Variants in LRRC4C observed in about 807,000 individuals in gnomAD.
The protein encoded by LRRC4C is leucine rich repeat containing 4C.
A neutral mutation model predicts 33.6 loss-of-function variants in LRRC4C; 5 were observed. The observed-to-expected ratio is 0.15, with a 90% CI of 0.08 to 0.31. LRRC4C has a LOEUF of 0.31. Ranked by LOEUF, LRRC4C falls within the 10% of genes least tolerant of loss-of-function variation. The pLI, the probability that LRRC4C is intolerant of heterozygous loss-of-function variation, is 1.00. For missense variants in LRRC4C, 560 were observed against 796.7 expected (o/e 0.70, Z 3.58); for synonymous variants, 329 against 302.0 (o/e 1.09, Z -0.93).
rs954423660 is a variant in LRRC4C, at chr11:40,622,155, T to C, written c.-270+25987A>G. The stretch of plus-strand genomic sequence containing the variant: ...AAATGTCAACATCTTAGTCACACAT[T>C]AAACAAATTTCTTATGATTTCAAGC... On this transcript the variant is annotated intron_variant, in intron 3 of 6. Coordinates refer to ENST00000528697, the MANE Select transcript of LRRC4C (RefSeq NM_001258419.2). Among the ~76,000 whole-genome samples the C allele has an allele frequency of 4.6e-5, 7 of 151,948 alleles. No individual in the cohort carries two copies. In the East Asian group the frequency reaches 1.3e-3, roughly 29 times the overall value.
At chr11:41,340,328 A>G (rs1951588460) in intron 1 of LRRC4C, among the ~76,000 whole-genome samples, 1 of 152,194 alleles carries the variant, frequency 6.6e-6, no homozygotes, top group Non-Finnish European at 1.5e-5. Context: ...GCTAAATCTT[A>G]TGTATTTCAA....
chr11:40,587,950 G>C (rs1485178420), intron 3 of LRRC4C, among the ~76,000 whole-genome samples: 7 of 152,094 alleles, frequency 4.6e-5, no homozygotes, highest in Non-Finnish European at 1.0e-4. Context: ...TTTTGGTTGT[G>C]TCTCTGCCCG....
chr11:41,160,171 G>C (rs1944405256), intron 1 of LRRC4C, among the ~76,000 whole-genome samples: 1 of 152,000 alleles, frequency 6.6e-6, no homozygotes, highest in Non-Finnish European at 1.5e-5. Context: ...TGCCATAAGA[G>C]TTGATAACAA....
At chr11:41,129,318 C>A (rs1942904125) in intron 1 of LRRC4C, among the ~76,000 whole-genome samples, 1 of 151,824 alleles carries the variant, frequency 6.6e-6, no homozygotes, top group South Asian at 2.1e-4. Context: ...TTCCCAAACC[C>A]CATATATTGG....
intron 1 of LRRC4C, among the ~76,000 whole-genome samples, chr11:41,343,679 T>G (rs1951711049): frequency 6.6e-6 from 1 of 152,232 alleles, no homozygotes; most frequent in African/African-American, 2.4e-5. Flanking sequence ...CAGTGCAGCT[T>G]GAATACAGTT....
At chr11:40,707,382 C>T (rs552396652) in intron 2 of LRRC4C, among the ~76,000 whole-genome samples, 5 of 152,222 alleles carry the variant, frequency 3.3e-5, no homozygotes, top group Admixed American at 1.3e-4. Flanking sequence ...GAGATACGTT[C>T]CATCAATACC....
At chr11:40,703,718 G>A (rs1268744338) in intron 2 of LRRC4C, among the ~76,000 whole-genome samples, 1 of 152,174 alleles carries the variant, frequency 6.6e-6, no homozygotes, top group Non-Finnish European at 1.5e-5. Flanking sequence ...TAGTCATGGT[G>A]ACTTAGAATA....
chr11:40,881,219 T>C (rs541735905), intron 2 of LRRC4C, among the ~76,000 whole-genome samples: 3 of 152,200 alleles, frequency 2.0e-5, no homozygotes, highest in South Asian at 4.1e-4. Context: ...TTATAATCTT[T>C]ACAAGGTTTT....
Position 40,204,518 on chromosome 11 carries a change from CTT to C in LRRC4C, c.-96+36999_-96+37000del, listed in dbSNP as rs1863001430. ...TCTCTCAAGGACCTAGGAGCCATCT[CTT>C]TGAAATGTAATCAACAAGGAGACAG... On this transcript the variant is annotated intron_variant, in intron 5 of 6. Transcript: ENST00000528697. Among the ~76,000 whole-genome samples the C allele has an allele frequency of 2.0e-5, 3 of 152,242 alleles. No individual in the cohort carries two copies. In the South Asian group the frequency reaches 6.2e-4, roughly 32 times the overall value.
chr11:41,178,210 T>A (rs1268483736), intron 1 of LRRC4C, among the ~76,000 whole-genome samples: 1 of 152,202 alleles, frequency 6.6e-6, no homozygotes, highest in African/African-American at 2.4e-5. Flanking sequence ...TGAGTTAAAC[T>A]GATTCAAATA....
intron 1 of LRRC4C, among the ~76,000 whole-genome samples, chr11:41,257,190 C>CA (rs971936876): frequency 2.9e-4 from 44 of 151,706 alleles, no homozygotes; most frequent in African/African-American, 1.0e-3. Context: ...TCACCCCCTA[C>CA]AAAAAATCAG....
chr11:40,311,531 C>A (rs1399473268), intron 4 of LRRC4C, among the ~76,000 whole-genome samples: 1 of 152,134 alleles, frequency 6.6e-6, no homozygotes, highest in African/African-American at 2.4e-5. Flanking sequence ...CCTTCTTGGG[C>A]ATTTTATTTT....
chr11:41,236,735 T>G (rs575876330), intron 1 of LRRC4C, among the ~76,000 whole-genome samples: 1 of 152,320 alleles, frequency 6.6e-6, no homozygotes, highest in South Asian at 2.1e-4. Flanking sequence ...CCAGTAGGAC[T>G]GTGAAAATAT....
At chr11:41,448,585 C>A (rs1380816305) in intron 1 of LRRC4C, among the ~76,000 whole-genome samples, 2 of 152,094 alleles carry the variant, frequency 1.3e-5, no homozygotes, top group Non-Finnish European at 2.9e-5. Context: ...TGATTACAGG[C>A]ATGAGCCACT....
rs1332710161 is a variant in LRRC4C at position 41,452,749 on chromosome 11, CCT to C, written c.-496+6680_-496+6681del. On this transcript the variant is annotated intron_variant, in intron 1 of 6. Coordinates refer to ENST00000528697, the MANE Select transcript of LRRC4C (RefSeq NM_001258419.2). Reference sequence around the variant, plus strand: ...CAATATGTTGAAAGATAATTTCCCTCCTCTGTTTTATATTTTTATAAGTAGAC... The same window carrying C: ...CAATATGTTGAAAGATAATTTCCCTCCTGTTTTATATTTTTATAAGTAGAC... 3.9e-5 allele frequency among the ~76,000 whole-genome samples: 6 copies of C among 152,110 alleles called. No individual in the cohort carries two copies. In the East Asian group the frequency reaches 7.7e-4, roughly 20 times the overall value.
intron 1 of LRRC4C, among the ~76,000 whole-genome samples, chr11:40,976,355 T>C (rs117340433): frequency 8.5e-4 from 129 of 152,300 alleles, no homozygotes; most frequent in Non-Finnish European, 1.6e-3. Flanking sequence ...TCCTGGGTTC[T>C]TGTGTATTCA....
intron 1 of LRRC4C, among the ~76,000 whole-genome samples, chr11:41,119,405 G>A (rs1374560093): frequency 1.3e-5 from 2 of 152,140 alleles, no homozygotes. Flanking sequence ...AAAACACAAA[G>A]GAGAGCTTGC....
intron 1 of LRRC4C, among the ~76,000 whole-genome samples, chr11:41,149,643 A>T (rs957517336): frequency 1.3e-5 from 2 of 152,128 alleles, no homozygotes; most frequent in Non-Finnish European, 2.9e-5. Context: ...TCCTGGGCAC[A>T]GATAGGATAG....
chr11:40,703,641 G>C (rs1565652740), intron 2 of LRRC4C, among the ~76,000 whole-genome samples: 1 of 151,960 alleles, frequency 6.6e-6, no homozygotes, highest in Non-Finnish European at 1.5e-5. Context: ...AGTTAATTAG[G>C]AGAAAAAATA....
Sources: gnomAD v4.1 joint callset for allele counts (sites outside exome capture counted in the v4.1 genomes callset) on GRCh38, gnomAD v4.1.1 for gene constraint, MANE v1.5 for transcripts, NCBI Gene and HGNC (gene_info 2026-07-23, HGNC 2026-07-21) for gene names.